STS: variants seen among roughly 807,000 people sequenced by gnomAD.
STS encodes steroid sulfatase.
STS carries 7 observed loss-of-function variants against 26.8 expected under a neutral mutation model. The observed-to-expected ratio is 0.26, with a 90% CI of 0.15 to 0.49. The LOEUF is 0.49. Ranked by LOEUF, STS falls within the 20% of genes least tolerant of loss-of-function variation. The probability of loss-of-function intolerance (pLI) is 0.98; values close to 1 mark genes in which losing one functional copy is unlikely to be tolerated. For synonymous variants in STS, 199 were observed against 189.4 expected, an observed-to-expected ratio of 1.05 and a Z score of -0.42; for missense variants, 434 against 465.6, an observed-to-expected ratio of 0.93 and a Z score of 0.63.
chrX:7,207,337 G>A (rs1039863456), intron 2 of STS, among the ~76,000 whole-genome samples: 61 of 112,196 alleles, frequency 5.4e-4, no homozygotes, highest in African/African-American at 1.8e-3. Context: ...TTGCATTGCC[G>A]ACATGAATTT....
intron 6 of STS, among the ~76,000 whole-genome samples, chrX:7,260,245 C>T (rs777564135): frequency 8.9e-6 from 1 of 112,283 alleles, no homozygotes; most frequent in Non-Finnish European, 1.9e-5. Context: ...AGCCAGAGCT[C>T]GCCATAGCAC....
rs867563310 is a variant in STS at position 7,279,296 on chromosome X, T to A, written c.943+3209T>A. 6.3e-3 allele frequency among the ~76,000 whole-genome samples: 455 copies of A among 71,765 alleles called. 6 individuals carry two copies. The highest frequency in any genetic ancestry group is 0.011 in the South Asian group (14 of 1,275). 62.3% of individuals were successfully genotyped at this position (71,765 alleles called of 115,157 possible). On this transcript the variant is annotated intron_variant, in intron 7 of 10. Coordinates refer to ENST00000674429, the MANE Select transcript of STS (RefSeq NM_001320752.2). ...TCCAGGAAGAAAAAAAAAAAAAATATATATATATATATATATGTGTGTGTG... is the reference window on the plus strand; with the variant it reads ...TCCAGGAAGAAAAAAAAAAAAAATAAATATATATATATATATGTGTGTGTG...
At position 7,353,419 on chromosome X, in the gene STS, T is replaced by C. The variant is rs1928883145; in HGVS notation, c.*3158T>C. 9.0e-6 allele frequency: 1 copy of C among 110,909 alleles called. No individual in the cohort carries two copies. The highest frequency in any genetic ancestry group is 3.3e-5 in the African/African-American group (1 of 30,545). The allele number at this position is 110,909 out of a possible 1,213,427, so 9.1% of individuals were successfully genotyped here. On this transcript the variant is annotated 3_prime_UTR_variant, in exon 11 of 11. Transcript: ENST00000674429. ...ATTGGTATTTGCACCAACATAGTCA[T>C]AAAATAGTATGTTAATATGTTTTTA...
In STS at chrX:7,259,218, T is replaced by C. The variant is rs1174494832; in HGVS notation, c.383-131T>C. On this transcript the variant is annotated intron_variant, in intron 5 of 10. Transcript: ENST00000674429. ...GAAAAAAAAGTGAAAAATTCTAGGG[T>C]CCTATGAGCGGGAAGGCTAGCTTCA... The C allele has an allele frequency of 6.0e-6, 4 of 661,815 alleles. No homozygotes were observed. The East Asian group carries it at 1.0e-4, about 17-fold the overall frequency. 54.5% of individuals were successfully genotyped at this position (661,815 alleles called of 1,213,427 possible). A position where few individuals can be genotyped will look rare whatever the true frequency, so the allele number is the denominator to read the frequency against.
At chrX:7,147,645 C>T (rs1396533712), upstream of STS, among the ~76,000 whole-genome samples, 1 of 112,233 alleles carries the variant, frequency 8.9e-6, no homozygotes, top group East Asian at 2.8e-4. Flanking sequence ...GAAGCTGAGG[C>T]TGGGCACCGC....
At chrX:7,240,493 ATGTGTGTGTGTGTGTGTGTGTGTGTG>A (rs374194610) in intron 2 of STS, among the ~76,000 whole-genome samples, 10 of 72,691 alleles carry the variant, frequency 1.4e-4, no homozygotes, top group African/African-American at 5.0e-4. Flanking sequence ...ACAGATATGT[ATGTGTGTGTGTGTGTGTGTGTGTGTG>A]TGTGTGTGTG....
chrX:7,225,580 G>A (rs1424733299), intron 2 of STS, among the ~76,000 whole-genome samples: 3 of 111,280 alleles, frequency 2.7e-5, no homozygotes, highest in African/African-American at 9.8e-5. Context: ...GTTCATATAG[G>A]TGCCCTTTGC....
chrX:7,148,193 C>T (rs780310644), intron 1 of STS, 110 bp downstream of exon 1: 4 of 626,050 alleles, frequency 6.4e-6, no homozygotes, highest in African/African-American at 4.8e-5. Flanking sequence ...GCACTGAGGA[C>T]CTTCTCGCGC....
At chrX:7,148,726 A>G (rs1397439065) in intron 1 of STS, among the ~76,000 whole-genome samples, 5 of 112,123 alleles carry the variant, frequency 4.5e-5, no homozygotes, top group African/African-American at 1.6e-4. Context: ...GCGCATGCGC[A>G]GTGTGCGGAG....
intron 5 of STS, 133 bp downstream of exon 5, chrX:7,257,721 C>T (rs1185864490): frequency 5.7e-6 from 5 of 883,755 alleles, no homozygotes; most frequent in East Asian, 3.1e-5. Flanking sequence ...GTACACTTTG[C>T]ATAACTTTAA....
At chrX:7,296,021 G>A (rs1925646270) in intron 7 of STS, among the ~76,000 whole-genome samples, 1 of 111,606 alleles carries the variant, frequency 9.0e-6, no homozygotes, top group East Asian at 2.8e-4. Context: ...GTGTGGTAGA[G>A]CATCATAAAT....
intron 7 of STS, among the ~76,000 whole-genome samples, chrX:7,300,049 C>T (rs1222429949): frequency 9.0e-6 from 1 of 111,683 alleles, no homozygotes; most frequent in African/African-American, 3.3e-5. Flanking sequence ...AATGACAGAA[C>T]TTTCTAGAAT....
Position 7,233,046 on chromosome X carries a change from C to T in STS, c.-4-20150C>T, listed in dbSNP as rs767744442. ...CATGTGGAACTGTGAGCCAGTTAAA[C>T]CTCTTTCCTTTATAAAGTACTTGGT... On this transcript the variant is annotated intron_variant, in intron 2 of 10. Transcript: ENST00000674429. 1.0e-4 allele frequency among the ~76,000 whole-genome samples: 11 copies of T among 110,521 alleles called. No individual in the cohort carries two copies. In the South Asian group the frequency reaches 4.2e-3, roughly 43 times the overall value.
intron 10 of STS, among the ~76,000 whole-genome samples, chrX:7,337,855 T>C (rs1928105887): frequency 8.9e-6 from 1 of 112,338 alleles, no homozygotes; most frequent in African/African-American, 3.2e-5. Context: ...AGATGCAGTT[T>C]ACCATTTGTC....
At chrX:7,252,293 G>A (rs1050368522) in intron 2 of STS, 2 of 751,254 alleles carry the variant, frequency 2.7e-6, no homozygotes, top group Non-Finnish European at 3.1e-6. Flanking sequence ...GCTGGGAGAG[G>A]TGTTGCCTAC....
chrX:7,228,718 A>C (rs1178471617), intron 2 of STS, among the ~76,000 whole-genome samples: 1 of 112,047 alleles, frequency 8.9e-6, no homozygotes, highest in Non-Finnish European at 1.9e-5. Context: ...GAAGCTTGTT[A>C]GTTTGACGTA....
At chrX:7,263,945 T>C (rs1342876114) in intron 6 of STS, among the ~76,000 whole-genome samples, 1 of 111,832 alleles carries the variant, frequency 8.9e-6, no homozygotes, top group Admixed American at 9.5e-5. Context: ...CAAGTATTAA[T>C]GTAAAGAATA....
At chrX:7,226,927 A>G (rs1295808931) in intron 2 of STS, among the ~76,000 whole-genome samples, 1 of 111,894 alleles carries the variant, frequency 8.9e-6, no homozygotes, top group Non-Finnish European at 1.9e-5. Context: ...CTTGTTCTGC[A>G]TCTTCACTAG....
At chrX:7,151,449 A>G (rs1337358338) in intron 1 of STS, among the ~76,000 whole-genome samples, 1 of 111,369 alleles carries the variant, frequency 9.0e-6, no homozygotes, top group Non-Finnish European at 1.9e-5. Flanking sequence ...CTCATTGCAG[A>G]CTTACCTGCC....
Sources: gnomAD v4.1 joint callset for allele counts (sites outside exome capture counted in the v4.1 genomes callset) on GRCh38, gnomAD v4.1.1 for gene constraint, MANE v1.5 for transcripts, NCBI Gene and HGNC (gene_info 2026-07-23, HGNC 2026-07-21) for gene names.